ANKRD31: variants seen among roughly 807,000 people sequenced by gnomAD.
ANKRD31 encodes ankyrin repeat domain-containing protein 31.
In ANKRD31, 147 loss-of-function variants were observed where a neutral mutation model predicts 186.0. The observed-to-expected ratio is 0.79, with a 90% CI of 0.69 to 0.91. ANKRD31 has a LOEUF of 0.91. Among genes scored for constraint, ANKRD31 ranks in the 40% least tolerant of loss-of-function variants. The probability of loss-of-function intolerance (pLI) is 0.00; values close to 1 mark genes in which losing one functional copy is unlikely to be tolerated. For missense variants in ANKRD31, 1,986 were observed against 2,148.8 expected, an observed-to-expected ratio of 0.92 and a Z score of 1.50; for synonymous variants, 673 against 736.4, an observed-to-expected ratio of 0.91 and a Z score of 1.39.
At chr5:75,217,830 T>G (rs922145528) in intron 3 of ANKRD31, among the ~76,000 whole-genome samples, 2 of 152,140 alleles carry the variant, frequency 1.3e-5, no homozygotes, top group East Asian at 3.9e-4. Flanking sequence ...CAGATCTGTT[T>G]GTGTGGTTGC....
At chr5:75,119,513 G>A (rs1380172679) in intron 17 of ANKRD31, among the ~76,000 whole-genome samples, 1 of 152,146 alleles carries the variant, frequency 6.6e-6, no homozygotes, top group Non-Finnish European at 1.5e-5. Flanking sequence ...TGGTCACCTT[G>A]GGTGATTTAA....
intron 16 of ANKRD31, 93 bp downstream of exon 16, chr5:75,138,753 A>G: frequency 7.8e-7 from 1 of 1,287,998 alleles, no homozygotes; most frequent in Non-Finnish European, 1.0e-6. Flanking sequence ...CTTACATATC[A>G]GCCAGGAACA....
intron 10 of ANKRD31, among the ~76,000 whole-genome samples, chr5:75,186,949 G>A (rs1377472956): frequency 6.6e-6 from 1 of 151,844 alleles, no homozygotes; most frequent in Non-Finnish European, 1.5e-5. Flanking sequence ...TACTGTAAAC[G>A]CTCACTACAT....
intron 12 of ANKRD31, among the ~76,000 whole-genome samples, chr5:75,153,268 C>T (rs1751957126): frequency 6.6e-6 from 1 of 152,094 alleles, no homozygotes; most frequent in Non-Finnish European, 1.5e-5. Flanking sequence ...TCATCTAGAA[C>T]CACTCAGTTA....
chr5:75,185,472 C>T (rs531125490), intron 10 of ANKRD31, among the ~76,000 whole-genome samples: 1 of 152,176 alleles, frequency 6.6e-6, no homozygotes, highest in South Asian at 2.1e-4. Context: ...AAAGGAGAAT[C>T]GCTTGAATCT....
intron 9 of ANKRD31, among the ~76,000 whole-genome samples, chr5:75,190,258 C>T (rs756210466): frequency 2.6e-5 from 4 of 152,030 alleles, no homozygotes; most frequent in Non-Finnish European, 5.9e-5. Context: ...TGGGCTCAAG[C>T]GATCCACCCA....
intron 10 of ANKRD31, among the ~76,000 whole-genome samples, chr5:75,173,765 T>C (rs1753547020): frequency 6.6e-6 from 1 of 152,190 alleles, no homozygotes. Flanking sequence ...TCCATGCTCA[T>C]GGATACGACA....
chr5:75,085,558 C>T (rs1381950562), intron 23 of ANKRD31, among the ~76,000 whole-genome samples: 5 of 152,028 alleles, frequency 3.3e-5, no homozygotes, highest in East Asian at 1.9e-4. Context: ...TGCGCCACCA[C>T]GCCTGGCTAA....
At chr5:75,072,147 G>A (rs945433964) in intron 25 of ANKRD31, among the ~76,000 whole-genome samples, 1 of 152,182 alleles carries the variant, frequency 6.6e-6, no homozygotes, top group African/African-American at 2.4e-5. Flanking sequence ...TTTTGGCAGA[G>A]GCTATTAGTT....
intron 22 of ANKRD31, among the ~76,000 whole-genome samples, chr5:75,101,686 A>C (rs1389437515): frequency 6.6e-6 from 1 of 152,024 alleles, no homozygotes; most frequent in East Asian, 1.9e-4. Context: ...TTGATCTTCA[A>C]TCACTGATAT....
At chr5:75,094,888 A>G (rs1746194153) in intron 22 of ANKRD31, among the ~76,000 whole-genome samples, 1 of 152,210 alleles carries the variant, frequency 6.6e-6, no homozygotes, top group East Asian at 1.9e-4. Flanking sequence ...GAATGGCTAT[A>G]CAATATCAAA....
intron 25 of ANKRD31, among the ~76,000 whole-genome samples, chr5:75,074,566 G>A (rs1481312409): frequency 1.3e-5 from 2 of 152,234 alleles, no homozygotes; most frequent in East Asian, 3.9e-4. Flanking sequence ...AATCTGAGCC[G>A]ACTAGGATAA....
intron 25 of ANKRD31, among the ~76,000 whole-genome samples, chr5:75,078,556 G>A (rs1322658953): frequency 1.3e-5 from 2 of 152,046 alleles, no homozygotes; most frequent in Admixed American, 1.3e-4. Context: ...GACTTCAGGT[G>A]ATACTTTTAT....
At chr5:75,181,888 T>C (rs55777244) in intron 10 of ANKRD31, among the ~76,000 whole-genome samples, 23,487 of 129,116 alleles carry the variant, frequency 0.18, 2,061 homozygotes, top group African/African-American at 0.35. Flanking sequence ...AGTATAATAG[T>C]AATGATAAAA....
chr5:75,189,208 T>C (rs534086595), intron 9 of ANKRD31, among the ~76,000 whole-genome samples: 20 of 152,330 alleles, frequency 1.3e-4, no homozygotes, highest in Admixed American at 1.2e-3. Context: ...TGCAATTGTT[T>C]TTATTTACTA....
chr5:75,135,781 A>G lies in ANKRD31; in HGVS notation c.3876+2075T>C, dbSNP rs1273479376. On this transcript the variant is annotated intron_variant, in intron 17 of 25. Coordinates refer to ENST00000506364, the MANE Select transcript of ANKRD31 (RefSeq NM_001372053.1). ...CCTTCAAACTATACAACAAGGCTACAGTAACCAAAACAGCATGGTACTGGC... is the reference window on the plus strand; with the variant it reads ...CCTTCAAACTATACAACAAGGCTACGGTAACCAAAACAGCATGGTACTGGC... Among the ~76,000 whole-genome samples, 6 of 152,360 alleles carry G rather than the reference A, an allele frequency of 3.9e-5. No homozygotes were observed. The East Asian group carries it at 1.2e-3, about 29-fold the overall frequency.
chr5:75,163,664 G>A (rs1752724773), intron 11 of ANKRD31, among the ~76,000 whole-genome samples: 1 of 152,152 alleles, frequency 6.6e-6, no homozygotes, highest in East Asian at 1.9e-4. Context: ...ACCTGGACTT[G>A]AAAGAATTTT....
intron 5 of ANKRD31, among the ~76,000 whole-genome samples, chr5:75,204,951 C>A (rs887301565): frequency 6.6e-6 from 1 of 152,198 alleles, no homozygotes; most frequent in South Asian, 2.1e-4. Context: ...ATGGCTCATG[C>A]AGCCTGAACC....
intron 10 of ANKRD31, among the ~76,000 whole-genome samples, chr5:75,186,850 A>T (rs4704188): frequency 0.51 from 77,155 of 151,956 alleles, 22,633 homozygotes; most frequent in African/African-American, 0.82. Flanking sequence ...GCCTTTTTTT[A>T]AATTGTACCA....
Sources: gnomAD v4.1 joint callset for allele counts (sites outside exome capture counted in the v4.1 genomes callset) on GRCh38, gnomAD v4.1.1 for gene constraint, MANE v1.5 for transcripts, NCBI Gene and HGNC (gene_info 2026-07-23, HGNC 2026-07-21) for gene names.